The following MEGF6 variants were observed in gnomAD, a reference collection of about 807,000 sequenced individuals.
The protein encoded by MEGF6 is multiple EGF like domains 6.
MEGF6 carries 184 observed loss-of-function variants against 207.1 expected under a neutral mutation model. That is an observed-to-expected ratio of 0.89 (90% CI 0.79 to 1.00). The LOEUF is 1.00. Ranked by LOEUF, MEGF6 falls within the 50% of genes least tolerant of loss-of-function variation. The pLI is 0.00. For synonymous variants in MEGF6, 1,038 were observed against 910.0 expected, an observed-to-expected ratio of 1.14 and a Z score of -2.53; for missense variants, 2,282 against 2,202.9, an observed-to-expected ratio of 1.04 and a Z score of -0.72.
At chr1:3,566,108 G>T (rs1035834110) in intron 4 of MEGF6, among the ~76,000 whole-genome samples, 1 of 152,194 alleles carries the variant, frequency 6.6e-6, no homozygotes, top group African/African-American at 2.4e-5. Context: ...GACTTTAGGA[G>T]GCTGTCAGCA....
intron 4 of MEGF6, among the ~76,000 whole-genome samples, chr1:3,557,400 G>T (rs780283796): frequency 2.6e-5 from 4 of 152,204 alleles, no homozygotes; most frequent in Middle Eastern, 3.2e-3. Context: ...GCTGCCCTTG[G>T]CTCCCAGGGT....
rs1156291035 is a variant in MEGF6, at chr1:3,494,684, C to A, written c.3929G>T (p.Gly1310Val). 4 of 1,576,464 alleles carry A rather than the reference C, an allele frequency of 2.5e-6. No homozygotes were observed. In the African/African-American group the frequency reaches 5.4e-5, roughly 21 times the overall value. Residue 1310 changes from glycine to valine, a missense_variant, in exon 31 of 37, where the codon GGG becomes GTG. By Grantham distance (109) the Gly-to-Val change is moderately radical (BLOSUM62 -3). Transcript: ENST00000356575. The stretch of plus-strand genomic sequence containing the variant: ...GCCGTTGCTGGCGTGGCACAGGCCC[C>A]CATTTCTGCAGGAGCAGGTGTGCTC... ...GCEHTCSCRN[G>V]GLCHASNGSC... is the part of the protein sequence containing the mutation.
intron 35 of MEGF6, among the ~76,000 whole-genome samples, chr1:3,491,769 C>T (rs933439463): frequency 1.5e-3 from 5 of 3,436 alleles, no homozygotes; most frequent in African/African-American, 4.2e-3. Context: ...GTACACGGTG[C>T]GGGGGTGGGG....
At chr1:3,511,781 C>T (rs753993060) in intron 8 of MEGF6, 94 bp from the exon 9 acceptor site, 209 of 1,533,000 alleles carry the variant, frequency 1.4e-4, no homozygotes, top group Admixed American at 6.3e-4. Context: ...CAGCCAGCCT[C>T]GGGCCTGGGG....
chr1:3,497,287 CGTG>C lies in MEGF6; in HGVS notation c.3424_3426del (p.His1142del), dbSNP rs762495760. Reference sequence around the variant, plus strand: ...GGGGGACAGCGGCAGGCCCCAGTGACGTGGTGGCAGGCAGCGCCAGGCGGGCAG... The same window carrying C: ...GGGGGACAGCGGCAGGCCCCAGTGACGTGGCAGGCAGCGCCAGGCGGGCAG... On this transcript the variant is annotated inframe_deletion, in exon 27 of 37. Coordinates refer to ENST00000356575, the MANE Select transcript of MEGF6 (RefSeq NM_001409.4). The C allele has an allele frequency of 1.3e-6, 2 of 1,551,676 alleles. No individual in the cohort carries two copies. Among genetic ancestry groups the C allele is most frequent in the African/African-American group, 1.4e-5 (1 of 72,502 alleles).
At chr1:3,507,774 A>C in intron 14 of MEGF6, 21 bp downstream of exon 14, 1 of 1,612,634 alleles carries the variant, frequency 6.2e-7, no homozygotes, top group Non-Finnish European at 8.5e-7. Context: ...TTCCAGAAGC[A>C]CCAGAAGAGG....
intron 3 of MEGF6, among the ~76,000 whole-genome samples, chr1:3,593,996 C>T (rs1003354428): frequency 6.6e-6 from 1 of 152,222 alleles, no homozygotes; most frequent in Non-Finnish European, 1.5e-5. Flanking sequence ...AACTTCAGCC[C>T]CGGTTTGCAG....
intron 4 of MEGF6, among the ~76,000 whole-genome samples, chr1:3,545,793 G>A (rs539675146): frequency 2.0e-5 from 3 of 152,328 alleles, no homozygotes; most frequent in African/African-American, 2.4e-5. Flanking sequence ...CCCAGGCTCC[G>A]CGGGTCACAG....
At chr1:3,509,672 C>T (rs912511342) in intron 11 of MEGF6, among the ~76,000 whole-genome samples, 198 bp downstream of exon 11, 11 of 152,336 alleles carry the variant, frequency 7.2e-5, no homozygotes, top group East Asian at 3.9e-4. Flanking sequence ...AACCCCCACA[C>T]GGCCCTCAGA....
chr1:3,524,194 G>A lies in MEGF6; in HGVS notation c.534C>T (p.Asn178=). 1.2e-6 allele frequency: 2 copies of A among 1,612,946 alleles called. No individual in the cohort carries two copies. Among genetic ancestry groups the A allele is most frequent in the South Asian group, 2.2e-5 (2 of 91,088 alleles). The change falls in exon 5 of 37, where the codon AAC becomes AAT. Residue 178 remains asparagine, a synonymous_variant. Coordinates refer to ENST00000356575, the MANE Select transcript of MEGF6 (RefSeq NM_001409.4). ...ACTCACAGAGGTAGGAGCCTGGGGTGTTCACGCACCGGTGCTGGCAGCCAC... is the reference window on the plus strand; with the variant it reads ...ACTCACAGAGGTAGGAGCCTGGGGTATTCACGCACCGGTGCTGGCAGCCAC... ...HNGGCQHRCV[N]TPGSYLCECK... is the part of the protein sequence containing the mutation.
Position 3,565,551 on chromosome 1 carries a change from G to A in MEGF6, c.481+14274C>T, listed in dbSNP as rs993525676. Reference sequence around the variant, plus strand: ...GCCTGGCTTGAGAGGAGGACGCTTCGTGCGGGGCTGCCTGGCCTGGCCCTG... The same window carrying A: ...GCCTGGCTTGAGAGGAGGACGCTTCATGCGGGGCTGCCTGGCCTGGCCCTG... On this transcript the variant is annotated intron_variant, in intron 4 of 36. Transcript: ENST00000356575. This position sits in a 1 kb window ranked among gnomAD's most constrained non-coding sequence, Gnocchi z 4.8. Among the ~76,000 whole-genome samples, 38 of 152,296 alleles carry A rather than the reference G, an allele frequency of 2.5e-4. 1 individual carries two copies. The highest frequency in any genetic ancestry group is 1.0e-3 in the Admixed American group (16 of 15,310).
At chr1:3,621,953 A>C in the MEGF6 span, among the ~76,000 whole-genome samples, 1 of 152,242 alleles carries the variant, frequency 6.6e-6, no homozygotes, top group Non-Finnish European at 1.5e-5. Flanking sequence ...ACCGAGTGCC[A>C]GTACCTCCAT....
intron 2 of MEGF6, among the ~76,000 whole-genome samples, chr1:3,600,171 C>G (rs1180026697): frequency 4.4e-4 from 67 of 152,206 alleles, no homozygotes; most frequent in Non-Finnish European, 2.9e-5. Context: ...CCCCAGAACC[C>G]AGGGGCCTCA....
At chr1:3,547,239 A>G (rs34748054) in intron 4 of MEGF6, 30,004 of 152,258 alleles carry the variant, frequency 0.2, 3,798 homozygotes, top group Non-Finnish European at 0.28. Flanking sequence ...CACAGGGGAC[A>G]TTGTCCACCA....
At chr1:3,598,425 C>T (rs540109120) in intron 2 of MEGF6, among the ~76,000 whole-genome samples, 1 of 152,358 alleles carries the variant, frequency 6.6e-6, no homozygotes, top group South Asian at 2.1e-4. Context: ...AACCACTTGC[C>T]CGGACAGAAA....
Position 3,595,420 on chromosome 1 carries a change from C to T in MEGF6, c.294G>A (p.Gln98=). 6.2e-7 allele frequency: 1 copy of T among 1,612,720 alleles called. No homozygotes were observed. Among genetic ancestry groups the T allele is most frequent in the Non-Finnish European group, 8.5e-7 (1 of 1,179,910 alleles). Residue 98 remains glutamine, a synonymous_variant, in exon 3 of 37, where the codon CAG becomes CAA. Coordinates refer to ENST00000356575, the MANE Select transcript of MEGF6 (RefSeq NM_001409.4). ...RRTVYYMGYR[Q]VYTTEARTVL... is the part of the protein sequence containing the mutation. ...CGGTCCGGGCCTCCGTGGTATACACCTGCCTGTAGCCCATGTAGTAGACGG... is the reference window on the plus strand; with the variant it reads ...CGGTCCGGGCCTCCGTGGTATACACTTGCCTGTAGCCCATGTAGTAGACGG...
intron 4 of MEGF6, chr1:3,531,396 G>GC (rs1642165715): frequency 8.7e-7 from 1 of 1,155,672 alleles, no homozygotes; most frequent in African/African-American, 1.6e-5. Flanking sequence ...GCTCGGCGCC[G>GC]CCCGGGAGCC....
At chr1:3,502,113 G>GCGAGTGTGCCCCCCGTGC (rs1557724753) in intron 17 of MEGF6, among the ~76,000 whole-genome samples, 192 bp from the exon 18 acceptor site, 5 of 84,206 alleles carry the variant, frequency 5.9e-5, no homozygotes, top group African/African-American at 1.5e-4. Context: ...ATGGGCTCTG[G>GCGAGTGTGCCCCCCGTGC]CTCTAGCCCC....
chr1:3,501,790 A>G lies in MEGF6; in HGVS notation c.2314+6T>C, dbSNP rs1304447796. ...AGGCGGAACTGGGGCTGCGGCTGAC[A>G]CTCACCTGCCTCACAGTCTTCCCCA... On this transcript the variant is annotated splice_donor_region_variant and intron_variant, in intron 18 of 36. Transcript: ENST00000356575. 1 of 1,609,704 alleles carries G rather than the reference A, an allele frequency of 6.2e-7. No homozygotes were observed. Among genetic ancestry groups the G allele is most frequent in the Admixed American group, 1.7e-5 (1 of 59,552 alleles).
Sources: allele counts gnomAD v4.1 joint callset (sites outside exome capture counted in the v4.1 genomes callset), GRCh38; gene constraint gnomAD v4.1.1; non-coding constraint Gnocchi (gnomAD v3.1); transcripts MANE v1.5; gene names NCBI Gene and HGNC (gene_info 2026-07-23, HGNC 2026-07-21).